Variants in SH3PXD2B observed in about 807,000 individuals in gnomAD.
SH3PXD2B encodes SH3 and PX domains 2B, also known as SH3 and PX domain-containing protein 2B.
In SH3PXD2B, 37 loss-of-function variants were observed where a neutral mutation model predicts 73.1. The ratio of observed to expected loss-of-function variants is 0.51; its 90% CI spans 0.39 to 0.67. The LOEUF (loss-of-function observed/expected upper bound fraction) is 0.67, where lower values mean the gene tolerates loss of function less well. Among genes scored for constraint, SH3PXD2B ranks in the 30% least tolerant of loss-of-function variants. SH3PXD2B has a pLI of 0.00. For missense variants in SH3PXD2B, 1,053 were observed against 1,197.8 expected (o/e 0.88, Z 1.78); for synonymous variants, 457 against 480.5 (o/e 0.95, Z 0.64).
At chr5:172,369,687 G>T (rs994243503) in intron 6 of SH3PXD2B, among the ~76,000 whole-genome samples, 3 of 152,110 alleles carry the variant, frequency 2.0e-5, no homozygotes, top group Admixed American at 6.6e-5. Context: ...AGAATTGCTT[G>T]AACCCGGGAG....
chr5:172,336,911 T>C lies in SH3PXD2B; in HGVS notation c.*1458A>G. On this transcript the variant is annotated 3_prime_UTR_variant, in exon 13 of 13. Coordinates refer to ENST00000311601, the MANE Select transcript of SH3PXD2B (RefSeq NM_001017995.3). Reference sequence around the variant, plus strand: ...GGGAGAAAACAGATTTGGCAGTGCGTGAAAAAAGAAAAAAACATTACAAAT... The same window carrying C: ...GGGAGAAAACAGATTTGGCAGTGCGCGAAAAAAGAAAAAAACATTACAAAT... 15 of 985,192 alleles carry C rather than the reference T, an allele frequency of 1.5e-5. No individual in the cohort carries two copies. Among genetic ancestry groups the C allele is most frequent in the African/African-American group, 1.7e-5 (1 of 57,246 alleles). 61.0% of individuals were successfully genotyped at this position (985,192 alleles called of 1,614,324 possible). A position where few individuals can be genotyped will look rare whatever the true frequency, so the allele number is the denominator to read the frequency against.
chr5:172,427,491 A>G (rs934981454), intron 1 of SH3PXD2B, among the ~76,000 whole-genome samples: 1 of 152,128 alleles, frequency 6.6e-6, no homozygotes, highest in African/African-American at 2.4e-5. Flanking sequence ...GACTACAGGC[A>G]TGTGCCATTA....
At position 172,445,397 on chromosome 5, in the gene SH3PXD2B, A is replaced by T. The variant is rs544575752; in HGVS notation, c.75+8881T>A. On this transcript the variant is annotated intron_variant, in intron 1 of 12. Transcript: ENST00000311601. The surrounding 1 kb of genome is among the most constrained non-coding windows in gnomAD (Gnocchi z 5.2). The stretch of plus-strand genomic sequence containing the variant: ...CTAATTTTGTGGATTTTTAGTAGAG[A>T]TGAGGTCTCACTATGTTCCCCAGGC... Among the ~76,000 whole-genome samples, 1 of 151,970 alleles carries T rather than the reference A, an allele frequency of 6.6e-6. No homozygotes were observed. Among genetic ancestry groups the T allele is most frequent in the Non-Finnish European group, 1.5e-5 (1 of 68,014 alleles).
intron 2 of SH3PXD2B, among the ~76,000 whole-genome samples, chr5:172,414,926 G>A (rs1050890078): frequency 6.6e-6 from 1 of 152,118 alleles, no homozygotes; most frequent in Non-Finnish European, 1.5e-5. Flanking sequence ...TCCCCCATTC[G>A]GTGGAGGGGC....
At chr5:172,395,186 C>T (rs1378499717) in intron 3 of SH3PXD2B, among the ~76,000 whole-genome samples, 3 of 152,184 alleles carry the variant, frequency 2.0e-5, no homozygotes, top group South Asian at 2.1e-4. Flanking sequence ...TTAAGAGTTC[C>T]TGGCTCTTTC....
intron 5 of SH3PXD2B, 63 bp downstream of exon 5, chr5:172,381,973 G>A: frequency 1.5e-6 from 2 of 1,335,244 alleles, no homozygotes; most frequent in South Asian, 1.2e-5. Context: ...ACTTGGGGGT[G>A]GCTGGACTGG....
At position 172,379,069 on chromosome 5, in the gene SH3PXD2B, C is replaced by CAA. The variant is rs61301407; in HGVS notation, c.401+2965_401+2966dup. ...TGGGTGATAGAGCAAGACTCTGTCTCAAAAAAAAAAAAAAAAAAAAAAGGA... is the reference window on the plus strand; with the variant it reads ...TGGGTGATAGAGCAAGACTCTGTCTCAAAAAAAAAAAAAAAAAAAAAAAAGGA... On this transcript the variant is annotated intron_variant, in intron 5 of 12. Transcript: ENST00000311601. 3.5e-3 allele frequency among the ~76,000 whole-genome samples: 266 copies of CAA among 75,776 alleles called. 4 individuals are homozygous for CAA. Among genetic ancestry groups the CAA allele is most frequent in the East Asian group, 0.014 (39 of 2,772 alleles). The allele number at this position is 75,776 out of a possible 152,430, so 49.7% of individuals were successfully genotyped here. A position where few individuals can be genotyped will look rare whatever the true frequency, so the allele number is the denominator to read the frequency against.
At chr5:172,340,969 T>G (rs546152493) in intron 12 of SH3PXD2B, among the ~76,000 whole-genome samples, 4 of 152,198 alleles carry the variant, frequency 2.6e-5, no homozygotes, top group Non-Finnish European at 5.9e-5. Context: ...ACAGGGGACC[T>G]GGAGCTGGTG....
Position 172,339,709 on chromosome 5 carries a change from G to A in SH3PXD2B, c.1396C>T (p.Pro466Ser). Residue 466 changes from proline to serine, a missense_variant, in exon 13 of 13, where the codon CCC (proline) becomes TCC (serine). Pro to Ser is a moderately conservative substitution (Grantham distance 74). Coordinates refer to ENST00000311601, the MANE Select transcript of SH3PXD2B (RefSeq NM_001017995.3). The surrounding 1 kb of genome is among the most constrained non-coding windows in gnomAD (Gnocchi z 6.1). ...ENNTGSEATG[P>S]SRPLPDAPHG... The stretch of plus-strand genomic sequence containing the variant: ...GGTGCGTCAGGCAGGGGCCGGGAGG[G>A]GCCCGTGGCTTCGCTGCCCGTGTTG... The A allele has an allele frequency of 6.2e-7, 1 of 1,614,232 alleles. No individual in the cohort carries two copies. Among genetic ancestry groups the A allele is most frequent in the Non-Finnish European group, 8.5e-7 (1 of 1,180,032 alleles).
At chr5:172,407,185 G>A (rs1166231457) in intron 2 of SH3PXD2B, among the ~76,000 whole-genome samples, 1 of 152,184 alleles carries the variant, frequency 6.6e-6, no homozygotes, top group Non-Finnish European at 1.5e-5. Context: ...GATTAAAGCT[G>A]GGCTGCGGAA....
chr5:172,381,020 G>A (rs891369973), intron 5 of SH3PXD2B, among the ~76,000 whole-genome samples: 5 of 152,224 alleles, frequency 3.3e-5, no homozygotes, highest in African/African-American at 1.2e-4. Flanking sequence ...ACACTTTCAT[G>A]CTTTCTCCTC....
At chr5:172,373,686 T>A (rs1003884065) in intron 6 of SH3PXD2B, 104 bp downstream of exon 6, 5 of 1,324,936 alleles carry the variant, frequency 3.8e-6, no homozygotes, top group Non-Finnish European at 4.2e-6. Context: ...CCCATCCACA[T>A]CACTGTATCC....
chr5:172,434,782 G>GTTTTTGTTTTTTTTTTTTTT (rs1554087271), intron 1 of SH3PXD2B, among the ~76,000 whole-genome samples: 1 of 66,350 alleles, frequency 1.5e-5, no homozygotes, highest in African/African-American at 4.6e-5. Context: ...ATGGCCAATG[G>GTTTTTGTTTTTTTTTTTTTT]TTTTTTTTTT....
chr5:172,328,158 A>G (rs905569540), intron 12 of SH3PXD2B, among the ~76,000 whole-genome samples: 1 of 140,986 alleles, frequency 7.1e-6, no homozygotes, highest in African/African-American at 2.7e-5. Context: ...TCACTCTCTC[A>G]CTCTGTCACT....
At chr5:172,331,823 G>C (rs1445170744), downstream of SH3PXD2B, among the ~76,000 whole-genome samples, 1 of 152,192 alleles carries the variant, frequency 6.6e-6, no homozygotes, top group African/African-American at 2.4e-5. Flanking sequence ...GTACACACCT[G>C]TAATCCCAGC....
intron 6 of SH3PXD2B, among the ~76,000 whole-genome samples, chr5:172,365,631 G>A (rs1463505233): frequency 6.6e-6 from 1 of 152,144 alleles, no homozygotes; most frequent in Admixed American, 6.5e-5. Flanking sequence ...GACTCAAGAT[G>A]ACAGTTCCCC....
At chr5:172,326,093 C>A (rs1489536560) in intron 12 of SH3PXD2B, among the ~76,000 whole-genome samples, 1 of 152,096 alleles carries the variant, frequency 6.6e-6, no homozygotes, top group Non-Finnish European at 1.5e-5. Flanking sequence ...GGCTGGCGGC[C>A]CTGCCTCTTA....
intron 12 of SH3PXD2B, among the ~76,000 whole-genome samples, chr5:172,344,496 G>A (rs1205945150): frequency 1.4e-5 from 2 of 147,964 alleles, no homozygotes; most frequent in East Asian, 2.1e-4. Flanking sequence ...GCTGAGGCAG[G>A]AGAATCACTT....
At chr5:172,433,437 G>C (rs1319142117) in intron 1 of SH3PXD2B, among the ~76,000 whole-genome samples, 1 of 152,158 alleles carries the variant, frequency 6.6e-6, no homozygotes, top group African/African-American at 2.4e-5. Context: ...GTATATTCCA[G>C]ATTTTTTACA....
Sources: allele counts gnomAD v4.1 joint callset (sites outside exome capture counted in the v4.1 genomes callset), GRCh38; gene constraint gnomAD v4.1.1; non-coding constraint Gnocchi (gnomAD v3.1); transcripts MANE v1.5; gene names NCBI Gene and HGNC (gene_info 2026-07-23, HGNC 2026-07-21).